The following FUT1 variants were observed in gnomAD, a reference collection of about 807,000 sequenced individuals.
The protein encoded by FUT1 is fucosyltransferase 1 (H blood group).
For synonymous variants in FUT1, 215 were observed against 208.7 expected (o/e 1.03, Z -0.26); for missense variants, 476 against 492.7 (o/e 0.97, Z 0.32).
Position 48,750,311 on chromosome 19 carries a change from TAGAC to T in FUT1, c.967_970del (p.Val323ThrfsTer13), listed in dbSNP as rs1204880416. Reference sequence around the variant, plus strand: ...GTCTGGCAGGGTGAAGTTGGCCAGGTAGACAGTGTCTCCGCCAGCCAGGTAGGCA... The same window carrying T: ...GTCTGGCAGGGTGAAGTTGGCCAGGTAGTGTCTCCGCCAGCCAGGTAGGCA... On this transcript the variant is annotated frameshift_variant, in exon 2 of 2. Transcript: ENST00000645652. LOFTEE classifies it low-confidence loss of function (END_TRUNC). The T allele has an allele frequency of 1.2e-6, 2 of 1,614,136 alleles. No individual in the cohort carries two copies. Among genetic ancestry groups the T allele is most frequent in the Non-Finnish European group, 1.7e-6 (2 of 1,180,026 alleles).
Position 48,750,450 on chromosome 19 carries a change from C to A in FUT1, c.832G>T (p.Asp278Tyr). 2 of 1,614,244 alleles carry A rather than the reference C, an allele frequency of 1.2e-6. No homozygotes were observed. The highest frequency in any genetic ancestry group is 8.5e-7 in the Non-Finnish European group (1 of 1,180,052). Residue 278 changes from aspartate to tyrosine, a missense_variant, in exon 2 of 2, where the codon GAT becomes TAT. Asp to Tyr is a radical substitution (Grantham distance 160). Coordinates refer to ENST00000645652, the MANE Select transcript of FUT1 (RefSeq NM_001384359.1). ...CKENIDTSQG[D>Y]VTFAGDGQEA... Reference sequence around the variant, plus strand: ...TGTCCATCGCCAGCAAACGTCACATCGCCCTGGGAGGTGTCGATGTTTTCT... The same window carrying A: ...TGTCCATCGCCAGCAAACGTCACATAGCCCTGGGAGGTGTCGATGTTTTCT...
chr19:48,754,483 G>A (rs534262223), upstream of FUT1, among the ~76,000 whole-genome samples: 1 of 152,200 alleles, frequency 6.6e-6, no homozygotes, highest in East Asian at 1.9e-4. Context: ...GCCCTCAAGA[G>A]GCCCTTATGC....
chr19:48,754,572 C>T (rs962828302), upstream of FUT1, among the ~76,000 whole-genome samples: 3 of 152,146 alleles, frequency 2.0e-5, no homozygotes, highest in Non-Finnish European at 2.9e-5. Context: ...CTATACCCAC[C>T]GGTTGTTTCC....
chr19:48,753,753 G>A (rs1422858622), upstream of FUT1: 1 of 153,620 alleles, frequency 6.5e-6, no homozygotes, highest in African/African-American at 2.4e-5. Flanking sequence ...TCGTCCAAAT[G>A]ACTGATAAGG....
chr19:48,750,154 T>C lies in FUT1; in HGVS notation c.*30A>G. 6.3e-7 allele frequency: 1 copy of C among 1,597,876 alleles called. No homozygotes were observed. The highest frequency in any genetic ancestry group is 8.5e-7 in the Non-Finnish European group (1 of 1,173,136). On this transcript the variant is annotated 3_prime_UTR_variant, in exon 2 of 2. Transcript: ENST00000645652. ...CCACGTACTGCTGGCTCTAGAAAGATCAGGCTACTTCAGAAAGTCTCCCTG... is the reference window on the plus strand; with the variant it reads ...CCACGTACTGCTGGCTCTAGAAAGACCAGGCTACTTCAGAAAGTCTCCCTG...
Position 48,749,974 on chromosome 19 carries a change from C to G in FUT1, c.*210G>C, listed in dbSNP as rs2033968183. 1.6e-6 allele frequency: 1 copy of G among 636,686 alleles called. No individual in the cohort carries two copies. The highest frequency in any genetic ancestry group is 2.9e-5 in the Admixed American group (1 of 34,684). The allele number at this position is 636,686 out of a possible 1,614,324, so 39.4% of individuals were successfully genotyped here. On this transcript the variant is annotated 3_prime_UTR_variant, in exon 2 of 2. Transcript: ENST00000645652. ...GCTTCTAGAACTGCCTGCCAGCCATCAGGAAAAGATGTTTTGCTAGTTCTA... is the reference window on the plus strand; with the variant it reads ...GCTTCTAGAACTGCCTGCCAGCCATGAGGAAAAGATGTTTTGCTAGTTCTA...
At chr19:48,753,816 G>A (rs569406742), upstream of FUT1, among the ~76,000 whole-genome samples, 31 of 152,194 alleles carry the variant, frequency 2.0e-4, no homozygotes, top group Non-Finnish European at 3.5e-4. Context: ...TTAGGCAGCC[G>A]AAGCAGAAAG....
chr19:48,749,703 T>G lies in FUT1; in HGVS notation c.*481A>C. 1 of 176,102 alleles carries G rather than the reference T, an allele frequency of 5.7e-6. No homozygotes were observed. Among genetic ancestry groups the G allele is most frequent in the Non-Finnish European group, 1.2e-5 (1 of 82,262 alleles). The allele number at this position is 176,102 out of a possible 1,614,324, so 10.9% of individuals were successfully genotyped here. ...TCCTGTCCATAAGGGCCCTGCAGGG[T>G]TCTTCACAGGCATCAAACCTGGTCC... On this transcript the variant is annotated 3_prime_UTR_variant, in exon 2 of 2. Transcript: ENST00000645652.
At position 48,752,582 on chromosome 19, in the gene FUT1, A is replaced by G; in HGVS notation, c.-95T>C. On this transcript the variant is annotated 5_prime_UTR_variant, in exon 1 of 2. Coordinates refer to ENST00000645652, the MANE Select transcript of FUT1 (RefSeq NM_001384359.1). The surrounding 1 kb of genome is among the most constrained non-coding windows in gnomAD (Gnocchi z 4.3). ...CAGGCCACATCCGGCCGCCCCTGGA[A>G]CGCCAGGCGTCCGGCTATCCGGCCC... 1 of 985,410 alleles carries G rather than the reference A, an allele frequency of 1.0e-6. No homozygotes were observed. Among genetic ancestry groups the G allele is most frequent in the Non-Finnish European group, 1.2e-6 (1 of 829,906 alleles). The allele number at this position is 985,410 out of a possible 1,614,324, so 61.0% of individuals were successfully genotyped here.
chr19:48,750,664 G>A lies in FUT1; in HGVS notation c.618C>T (p.Arg206=). 6.2e-7 allele frequency: 1 copy of A among 1,612,950 alleles called. No individual in the cohort carries two copies. Among genetic ancestry groups the A allele is most frequent in the South Asian group, 1.1e-5 (1 of 91,090 alleles). Residue 206 remains arginine, a synonymous_variant, in exon 2 of 2, where the codon CGC becomes CGT. Transcript: ENST00000645652. ...QSVLGQLRLG[R]TGDRPRTFVG... ...CAAAGGTGCGCGGGCGGTCCCCTGT[G>A]CGGCCCAGGCGGAGCTGACCCAGCA...
upstream of FUT1, among the ~76,000 whole-genome samples, chr19:48,754,759 C>T (rs868791415): frequency 3.2e-4 from 48 of 152,268 alleles, no homozygotes; most frequent in Middle Eastern, 3.4e-3. Context: ...TCTCTTGCCT[C>T]GGCACCTGGG....
In FUT1 at chr19:48,750,489, T is replaced by G. The variant is rs796617072; in HGVS notation, c.793A>C (p.Met265Leu). 4.3e-6 allele frequency: 7 copies of G among 1,614,108 alleles called. No homozygotes were observed. The African/African-American group carries it at 6.7e-5, about 15-fold the overall frequency. ...TCGATGTTTTCTTTACACCACTCCA[T>G]GCCGTTGCTGGTGACCACGAAAACG... ...APVFVVTSNG[M>L]EWCKENIDTS... is the part of the protein sequence containing the mutation. Residue 265 changes from methionine to leucine, a missense_variant, in exon 2 of 2, where the codon ATG becomes CTG. Met to Leu is a conservative substitution (Grantham distance 15, BLOSUM62 2). Coordinates refer to ENST00000645652, the MANE Select transcript of FUT1 (RefSeq NM_001384359.1).
chr19:48,753,960 G>C (rs1316495008), upstream of FUT1, among the ~76,000 whole-genome samples: 1 of 152,114 alleles, frequency 6.6e-6, no homozygotes, highest in Non-Finnish European at 1.5e-5. Context: ...TGAGGCGGGC[G>C]GATCACAAGG....
At chr19:48,751,680 G>C (rs1471322032) in intron 1 of FUT1, among the ~76,000 whole-genome samples, 3 of 151,736 alleles carry the variant, frequency 2.0e-5, no homozygotes, top group Non-Finnish European at 4.4e-5. Flanking sequence ...GGCCAGGCGC[G>C]GTGGCTCACA....
chr19:48,752,532 G>A lies in FUT1; in HGVS notation c.-45C>T, dbSNP rs904887184. ...GGCAGATCCACAGTCCGCTTTTCGT[G>A]GCCGGAGCGCACCCTCCGCAAAGGC... On this transcript the variant is annotated 5_prime_UTR_variant, in exon 1 of 2. Coordinates refer to ENST00000645652, the MANE Select transcript of FUT1 (RefSeq NM_001384359.1). This position sits in a 1 kb window ranked among gnomAD's most constrained non-coding sequence, Gnocchi z 4.3. 6.1e-6 allele frequency: 6 copies of A among 985,344 alleles called. No homozygotes were observed. The South Asian group carries it at 1.4e-4, about 23-fold the overall frequency. The allele number at this position is 985,344 out of a possible 1,614,324, so 61.0% of individuals were successfully genotyped here.
rs913843614 is a variant in FUT1, at chr19:48,752,472, G to C, written c.-3+18C>G. The C allele has an allele frequency of 1.0e-6, 1 of 985,176 alleles. No homozygotes were observed. Among genetic ancestry groups the C allele is most frequent in the Non-Finnish European group, 1.2e-6 (1 of 829,792 alleles). The allele number at this position is 985,176 out of a possible 1,614,324, so 61.0% of individuals were successfully genotyped here. The stretch of plus-strand genomic sequence containing the variant: ...TCCTGGGTCCCAGGAACAACTGAGT[G>C]GGGCAGTCCCCACTTACCCGAGCTG... On this transcript the variant is annotated intron_variant, in intron 1 of 1. Coordinates refer to ENST00000645652, the MANE Select transcript of FUT1 (RefSeq NM_001384359.1). The surrounding 1 kb of genome is among the most constrained non-coding windows in gnomAD (Gnocchi z 4.3).
At position 48,750,743 on chromosome 19, in the gene FUT1, T is replaced by C. The variant is rs1368136289; in HGVS notation, c.539A>G (p.Gln180Arg). The C allele has an allele frequency of 6.2e-7, 1 of 1,613,808 alleles. No homozygotes were observed. Among genetic ancestry groups the C allele is most frequent in the Non-Finnish European group, 8.5e-7 (1 of 1,179,986 alleles). The change falls in exon 2 of 2, where the codon CAG becomes CGG. Residue 180 changes from glutamine (Q) to arginine (R), a missense_variant. Transcript: ENST00000645652. ...SWTFFHHLRE[Q>R]IRREFTLHDH... ...GTGCAGGGTGAACTCTCTGCGGATC[T>C]GTTCCCGGAGATGGTGGAAGAAAGT...
chr19:48,750,109 A>C lies in FUT1; in HGVS notation c.*75T>G. On this transcript the variant is annotated 3_prime_UTR_variant, in exon 2 of 2. Transcript: ENST00000645652. ...TCAGGAACACCACAAGCTTCTCCAG[A>C]AGATGCCAGGCCTCTGAAGCCACGT... 2 of 1,543,726 alleles carry C rather than the reference A, an allele frequency of 1.3e-6. No individual in the cohort carries two copies. The highest frequency in any genetic ancestry group is 1.7e-6 in the Non-Finnish European group (2 of 1,142,950).
In FUT1 at chr19:48,750,973, G is replaced by A; in HGVS notation, c.309C>T (p.Ala103=). The A allele has an allele frequency of 6.2e-7, 1 of 1,601,078 alleles. No homozygotes were observed. Among genetic ancestry groups the A allele is most frequent in the Non-Finnish European group, 8.5e-7 (1 of 1,172,364 alleles). The change falls in exon 2 of 2, where the codon GCC becomes GCT. Residue 103 remains alanine, a synonymous_variant. Coordinates refer to ENST00000645652, the MANE Select transcript of FUT1 (RefSeq NM_001384359.1). ...TAAAGGCCCGGCGGCCGTTGAGCTG[G>A]GCCAGAGCCAGCAGCGTGGCATACT... ...MGQYATLLAL[A]QLNGRRAFIL... is the part of the protein sequence containing the mutation.
Sources: allele counts gnomAD v4.1 joint callset (sites outside exome capture counted in the v4.1 genomes callset), GRCh38; gene constraint gnomAD v4.1.1; non-coding constraint Gnocchi (gnomAD v3.1); transcripts MANE v1.5; gene names NCBI Gene and HGNC (gene_info 2026-07-23, HGNC 2026-07-21).